Variants in EAF2 observed in about 807,000 individuals in gnomAD.
EAF2 encodes ELL-associated factor 2.
A neutral mutation model predicts 29.4 loss-of-function variants in EAF2; 29 were observed. That is an observed-to-expected ratio of 0.99 (90% CI 0.73 to 1.35). The LOEUF (loss-of-function observed/expected upper bound fraction) is 1.35, where lower values mean the gene tolerates loss of function less well. Among genes scored for constraint, EAF2 ranks in the 40% most tolerant of loss-of-function variants. The pLI, the probability that EAF2 is intolerant of heterozygous loss-of-function variation, is 0.00. For synonymous variants in EAF2, 103 were observed against 102.5 expected (o/e 1.00, Z -0.03); for missense variants, 292 against 312.0 (o/e 0.94, Z 0.48).
chr3:121,860,334 G>C (rs573282637), intron 4 of EAF2, among the ~76,000 whole-genome samples: 7 of 152,104 alleles, frequency 4.6e-5, no homozygotes, highest in African/African-American at 1.7e-4. Flanking sequence ...ATTAATTATT[G>C]CCTCAATTTC....
In EAF2 at chr3:121,872,664, C is replaced by T. The variant is rs749678234; in HGVS notation, c.612C>T (p.Ser204=). The T allele has an allele frequency of 5.6e-6, 9 of 1,612,748 alleles. No individual in the cohort carries two copies. The highest frequency in any genetic ancestry group is 5.1e-6 in the Non-Finnish European group (6 of 1,179,220). Residue 204 remains serine (S), a synonymous_variant, in exon 5 of 6, where the codon TCC becomes TCT. Transcript: ENST00000273668. The stretch of plus-strand genomic sequence containing the variant: ...ACTCAGAAGATGAAGATTGCAAATC[C>T]TCTACTTCTGATACAGGGAATTGTG... ...SSDSEDEDCK[S]STSDTGNCVS...
intron 1 of EAF2, among the ~76,000 whole-genome samples, chr3:121,838,606 T>C (rs923383776): frequency 4.6e-5 from 7 of 152,222 alleles, no homozygotes; most frequent in Non-Finnish European, 1.0e-4. Context: ...TATGAATTCA[T>C]GTTTATCATT....
intron 2 of EAF2, 49 bp downstream of exon 2, chr3:121,844,596 T>C: frequency 8.1e-7 from 1 of 1,233,428 alleles, no homozygotes; most frequent in Non-Finnish European, 1.2e-6. Context: ...GGATTCTCAG[T>C]AAATTTAAAT....
Position 121,885,580 on chromosome 3 carries a change from G to A in EAF2, c.737-762G>A, listed in dbSNP as rs552455915. ...TTATTCATTCCATTCCACCCACAGT[G>A]GCCTTCTTGCAAGTCAGAGAATGCA... On this transcript the variant is annotated intron_variant, in intron 5 of 5. Coordinates refer to ENST00000273668, the MANE Select transcript of EAF2 (RefSeq NM_018456.6). Among the ~76,000 whole-genome samples, 3 of 152,200 alleles carry A rather than the reference G, an allele frequency of 2.0e-5. No individual in the cohort carries two copies. The East Asian group carries it at 5.8e-4, about 29-fold the overall frequency.
At chr3:121,858,785 G>A (rs1200584816) in intron 4 of EAF2, among the ~76,000 whole-genome samples, 2 of 152,160 alleles carry the variant, frequency 1.3e-5, no homozygotes, top group African/African-American at 4.8e-5. Flanking sequence ...TTTTCTTCTA[G>A]CGTTTTTATG....
chr3:121,876,576 T>G (rs1484455631), intron 5 of EAF2, among the ~76,000 whole-genome samples: 1 of 151,902 alleles, frequency 6.6e-6, no homozygotes, highest in African/African-American at 2.4e-5. Context: ...AGATTAAAGC[T>G]AAAACTCTAG....
Position 121,863,529 on chromosome 3 carries a change from G to A in EAF2, c.484+6373G>A, listed in dbSNP as rs931760556. On this transcript the variant is annotated intron_variant, in intron 4 of 5. Coordinates refer to ENST00000273668, the MANE Select transcript of EAF2 (RefSeq NM_018456.6). The stretch of plus-strand genomic sequence containing the variant: ...GCGGGATATAATCACCTGGTGTGCC[G>A]TTTGCTAAGACCATTGGAAAAGCAC... Among the ~76,000 whole-genome samples, 5 of 152,306 alleles carry A rather than the reference G, an allele frequency of 3.3e-5. 1 individual carries two copies. The highest frequency in any genetic ancestry group is 4.1e-4 in the South Asian group (2 of 4,826).
chr3:121,884,004 G>A (rs1344216002), intron 5 of EAF2, among the ~76,000 whole-genome samples: 3 of 152,104 alleles, frequency 2.0e-5, no homozygotes, highest in Admixed American at 6.6e-5. Flanking sequence ...ACATTCTTAT[G>A]TCATATAATA....
intron 1 of EAF2, among the ~76,000 whole-genome samples, chr3:121,841,984 C>T (rs1353031132): frequency 6.7e-6 from 1 of 149,200 alleles, no homozygotes; most frequent in South Asian, 2.1e-4. Flanking sequence ...CCAGCCTAGG[C>T]GACAGAGAGA....
chr3:121,865,495 T>G (rs912314516), intron 4 of EAF2, among the ~76,000 whole-genome samples: 1 of 152,130 alleles, frequency 6.6e-6, no homozygotes, highest in Non-Finnish European at 1.5e-5. Context: ...CTAATATTTT[T>G]GTAGCTTAAA....
Position 121,872,551 on chromosome 3 carries a change from G to A in EAF2, c.499G>A (p.Ala167Thr). The A allele has an allele frequency of 6.2e-7, 1 of 1,603,986 alleles. No individual in the cohort carries two copies. Among genetic ancestry groups the A allele is most frequent in the South Asian group, 1.1e-5 (1 of 89,650 alleles). ...CTTATTTTCAGAACTGAAGGCAGAA[G>A]CTAGTCTAATGGACCAGATGAGTAG... The part of the protein sequence containing the change: ...DDIERELKAE[A>T]SLMDQMSSCD... Residue 167 changes from alanine (A) to threonine (T), a missense_variant, in exon 5 of 6, where the codon GCT becomes ACT. By Grantham distance (58) the Ala-to-Thr change is moderately conservative (BLOSUM62 0). Coordinates refer to ENST00000273668, the MANE Select transcript of EAF2 (RefSeq NM_018456.6).
intron 4 of EAF2, among the ~76,000 whole-genome samples, chr3:121,866,527 A>T (rs1576651233): frequency 2.0e-5 from 3 of 152,136 alleles, no homozygotes; most frequent in Non-Finnish European, 2.9e-5. Context: ...GGAGTTTGAG[A>T]CCAGCCTGGC....
chr3:121,855,212 AC>A (rs1333433399), intron 3 of EAF2, among the ~76,000 whole-genome samples: 2 of 152,226 alleles, frequency 1.3e-5, no homozygotes, highest in East Asian at 3.8e-4. Context: ...CTCTGCAAAC[AC>A]CTCAAAACTT....
chr3:121,837,124 C>A (rs1240848143), intron 1 of EAF2, among the ~76,000 whole-genome samples: 1 of 152,064 alleles, frequency 6.6e-6, no homozygotes, highest in Admixed American at 6.6e-5. Flanking sequence ...CACACTTAGT[C>A]CTGTGGAAGA....
chr3:121,859,840 C>T lies in EAF2; in HGVS notation c.484+2684C>T, dbSNP rs574083335. Among the ~76,000 whole-genome samples the T allele has an allele frequency of 4.6e-3, 702 of 152,146 alleles. 3 individuals carry two copies. The highest frequency in any genetic ancestry group is 6.8e-3 in the Middle Eastern group (2 of 294). ...AAATAGCTCTTATTATTTTGAGATA[C>T]GTTCCATCAATACCTAGTTTATTGA... On this transcript the variant is annotated intron_variant, in intron 4 of 5. Transcript: ENST00000273668.
chr3:121,877,218 CGT>C (rs147052231), intron 5 of EAF2, among the ~76,000 whole-genome samples: 5 of 149,636 alleles, frequency 3.3e-5, no homozygotes, highest in Non-Finnish European at 3.0e-5. Flanking sequence ...TGTGTGTGTG[CGT>C]GTGTGTGTGT....
rs552645470 is a variant in EAF2, at chr3:121,861,106, G to A, written c.484+3950G>A. On this transcript the variant is annotated intron_variant, in intron 4 of 5. Transcript: ENST00000273668. ...TACTTCTAACTATGTGGTCAATTTT[G>A]GAATAAGTGTGATGTGGTTCTGAGA... Among the ~76,000 whole-genome samples the A allele has an allele frequency of 2.6e-5, 4 of 152,220 alleles. No individual in the cohort carries two copies. The South Asian group carries it at 8.3e-4, about 32-fold the overall frequency.
At chr3:121,881,136 T>C (rs1709185575) in intron 5 of EAF2, among the ~76,000 whole-genome samples, 1 of 152,200 alleles carries the variant, frequency 6.6e-6, no homozygotes, top group Non-Finnish European at 1.5e-5. Context: ...CTACTATTTG[T>C]TGAGGATTTT....
intron 5 of EAF2, among the ~76,000 whole-genome samples, chr3:121,878,169 G>A (rs1168060758): frequency 1.3e-5 from 2 of 151,762 alleles, no homozygotes; most frequent in Admixed American, 1.3e-4. Flanking sequence ...TAGACCAATA[G>A]AATAGGCCAA....
Sources: allele counts gnomAD v4.1 joint callset (sites outside exome capture counted in the v4.1 genomes callset), GRCh38; gene constraint gnomAD v4.1.1; transcripts MANE v1.5; gene names NCBI Gene and HGNC (gene_info 2026-07-23, HGNC 2026-07-21).